VRTN: variants seen among roughly 807,000 people sequenced by gnomAD.
The protein encoded by VRTN is vertnin.
In VRTN, 5 loss-of-function variants were observed where a neutral mutation model predicts 18.2. The observed-to-expected ratio is 0.27, with a 90% CI of 0.14 to 0.58. The LOEUF is 0.58. VRTN is among the 20% of genes least tolerant of loss of function. The probability of loss-of-function intolerance (pLI) is 0.91; values close to 1 mark genes in which losing one functional copy is unlikely to be tolerated. For missense variants in VRTN, 741 were observed against 939.4 expected (o/e 0.79, Z 2.76); for synonymous variants, 381 against 393.7 (o/e 0.97, Z 0.38).
At chr14:74,334,484 T>C (rs1207704281) in intron 1 of VRTN, among the ~76,000 whole-genome samples, 2 of 152,090 alleles carry the variant, frequency 1.3e-5, no homozygotes, top group East Asian at 3.9e-4. Flanking sequence ...GAGCTGAGAT[T>C]GCACCACTGC....
chr14:74,357,208 C>G lies in VRTN; in HGVS notation c.425C>G (p.Ser142Cys). The change falls in exon 2 of 2, where the codon TCC (serine) becomes TGC (cysteine). Residue 142 changes from serine (S) to cysteine (C), a missense_variant. Ser to Cys is a moderately radical substitution (Grantham distance 112, BLOSUM62 -1). This residue lies in a region of VRTN where 186 missense variants were observed against 288.3 expected (regional missense o/e 0.65). Transcript: ENST00000256362. The surrounding 1 kb of genome is among the most constrained non-coding windows in gnomAD (Gnocchi z 7.8). ...AVRYSLCSEE[S>C]PEMTSLPPAT... ...CGCTACTCCCTATGCTCTGAGGAGT[C>G]CCCTGAGATGACCAGCTTGCCCCCC... The G allele has an allele frequency of 1.9e-6, 3 of 1,611,710 alleles. No homozygotes were observed. Among genetic ancestry groups the G allele is most frequent in the Non-Finnish European group, 2.5e-6 (3 of 1,179,688 alleles).
chr14:74,357,541 G>C lies in VRTN; in HGVS notation c.758G>C (p.Gly253Ala), dbSNP rs2085739040. 1.2e-6 allele frequency: 2 copies of C among 1,613,610 alleles called. No homozygotes were observed. Among genetic ancestry groups the C allele is most frequent in the Non-Finnish European group, 1.7e-6 (2 of 1,180,012 alleles). ...GAGGTGGAGGCTGAAGGTGCCCCTG[G>C]CGTGGCCCCAGCTCTTCCAGCCCTG... ...LEEVEAEGAP[G>A]VAPALPALAP... is the part of the protein sequence containing the mutation. The change falls in exon 2 of 2, where the codon GGC (glycine) becomes GCC (alanine). Residue 253 changes from glycine to alanine, a missense_variant. By Grantham distance (60) the Gly-to-Ala change is moderately conservative (BLOSUM62 0). Around this residue, in one of 3 missense-constraint regions of VRTN, gnomAD observed 494 missense variants for 546.5 expected, o/e 0.90. Transcript: ENST00000256362. The surrounding 1 kb of genome is among the most constrained non-coding windows in gnomAD (Gnocchi z 7.8).
intron 1 of VRTN, 49 bp from the exon 2 acceptor site, chr14:74,356,734 T>G: frequency 6.6e-7 from 1 of 1,526,036 alleles, no homozygotes; most frequent in Non-Finnish European, 8.8e-7. Flanking sequence ...CTAGTCATCA[T>G]CTGGGCACTT....
At chr14:74,352,890 C>T (rs1249111970) in intron 1 of VRTN, among the ~76,000 whole-genome samples, 1 of 152,148 alleles carries the variant, frequency 6.6e-6, no homozygotes, top group African/African-American at 2.4e-5. Context: ...GAAGGAATAC[C>T]ACTCTGCTTT....
At chr14:74,329,965 C>T (rs558468205) in intron 1 of VRTN, among the ~76,000 whole-genome samples, 10 of 151,116 alleles carry the variant, frequency 6.6e-5, no homozygotes, top group East Asian at 2.0e-4. Context: ...CTCTGCCTCC[C>T]GGTTCAAGCA....
chr14:74,317,298 A>C (rs1393939628), intron 1 of VRTN, among the ~76,000 whole-genome samples: 1 of 152,200 alleles, frequency 6.6e-6, no homozygotes, highest in Non-Finnish European at 1.5e-5. Flanking sequence ...AGAGCTGTAG[A>C]GAAGTGGCTC....
chr14:74,311,169 C>T (rs1235645673), intron 1 of VRTN, among the ~76,000 whole-genome samples: 1 of 152,026 alleles, frequency 6.6e-6, no homozygotes, highest in Non-Finnish European at 1.5e-5. Context: ...TTCATTTAAT[C>T]AACTAGTTTT....
intron 1 of VRTN, among the ~76,000 whole-genome samples, chr14:74,320,680 G>C (rs148127092): frequency 7.4e-6 from 1 of 135,750 alleles, no homozygotes; most frequent in Non-Finnish European, 1.5e-5. Context: ...TCTACCTCCC[G>C]GGTTCAAGCG....
At chr14:74,332,880 C>A (rs1028832703) in intron 1 of VRTN, among the ~76,000 whole-genome samples, 2 of 152,142 alleles carry the variant, frequency 1.3e-5, no homozygotes, top group African/African-American at 4.8e-5. Context: ...CTCTCCCATG[C>A]CACCTTCTTC....
chr14:74,352,149 G>A lies in VRTN; in HGVS notation c.-2+3497G>A, dbSNP rs574195141. Among the ~76,000 whole-genome samples, 30 of 146,124 alleles carry A rather than the reference G, an allele frequency of 2.1e-4. No individual in the cohort carries two copies. The South Asian group carries it at 2.7e-3, about 13-fold the overall frequency. ...ACAGGCCTGAGCCACCACCATGCCC[G>A]GCCTCAGTACTTTTAATTTTTTTTA... On this transcript the variant is annotated intron_variant, in intron 1 of 1. Coordinates refer to ENST00000256362, the MANE Select transcript of VRTN (RefSeq NM_018228.3).
intron 2 of VRTN, among the ~76,000 whole-genome samples, chr14:74,343,040 A>C (rs2085618762): frequency 6.6e-6 from 1 of 152,222 alleles, no homozygotes; most frequent in Admixed American, 6.5e-5. Flanking sequence ...TAGATTGACA[A>C]AGATTATAAA....
upstream of VRTN, among the ~76,000 whole-genome samples, chr14:74,346,087 G>C (rs1174683736): frequency 6.6e-6 from 1 of 151,904 alleles, no homozygotes; most frequent in Non-Finnish European, 1.5e-5. Flanking sequence ...GAGGATTTGA[G>C]CCCAGGAGTT....
chr14:74,340,540 G>A (rs2085597788), intron 2 of VRTN, among the ~76,000 whole-genome samples: 1 of 152,136 alleles, frequency 6.6e-6, no homozygotes, highest in African/African-American at 2.4e-5. Flanking sequence ...ACCATACCCG[G>A]CCAATGAGAA....
At position 74,356,819 on chromosome 14, in the gene VRTN, G is replaced by A. The variant is rs1292354368; in HGVS notation, c.36G>A (p.Leu12=). The change falls in exon 2 of 2, where the codon CTG becomes CTA. Residue 12 remains leucine (L), a synonymous_variant. Transcript: ENST00000256362. ...TSRNQLVQKV[L]QELQEAVECE... is the part of the protein sequence containing the mutation. Reference sequence around the variant, plus strand: ...GGAACCAGCTGGTGCAGAAGGTGCTGCAGGAGCTGCAGGAAGCAGTGGAGT... The same window carrying A: ...GGAACCAGCTGGTGCAGAAGGTGCTACAGGAGCTGCAGGAAGCAGTGGAGT... The A allele has an allele frequency of 3.1e-6, 5 of 1,608,706 alleles. No homozygotes were observed. Among genetic ancestry groups the A allele is most frequent in the East Asian group, 2.2e-5 (1 of 44,794 alleles).
At position 74,327,710 on chromosome 14, in the gene VRTN, TTTA is replaced by T. The variant is rs1555410821; in HGVS notation, c.-163-9992_-163-9990del. ...CAACATAAGCACTGGTTGATTTTAT[TTTA>T]TTATTATTATTATTATTATTTGAGA... is the stretch of plus-strand genomic sequence containing the variant. On this transcript the variant is annotated intron_variant, in intron 1 of 2. Coordinates refer to the VRTN transcript ENST00000557177. 9.3e-5 allele frequency among the ~76,000 whole-genome samples: 14 copies of T among 151,082 alleles called. No individual in the cohort carries two copies. In the East Asian group the frequency reaches 1.4e-3, roughly 15 times the overall value.
upstream of VRTN, among the ~76,000 whole-genome samples, chr14:74,346,839 C>T (rs1427998007): frequency 1.3e-5 from 2 of 152,074 alleles, no homozygotes; most frequent in South Asian, 2.1e-4. Flanking sequence ...TTAAAAAACA[C>T]TTTGAAAGAT....
chr14:74,359,133 C>A lies in VRTN; in HGVS notation c.*241C>A. On this transcript the variant is annotated 3_prime_UTR_variant, in exon 2 of 2. Transcript: ENST00000256362. ...ATATCCTCTTTCGTTGTTTGCTGGT[C>A]ATATTTTTACTGTTATGATTTAGTT... 1 of 711,338 alleles carries A rather than the reference C, an allele frequency of 1.4e-6. No homozygotes were observed. Among genetic ancestry groups the A allele is most frequent in the Non-Finnish European group, 2.0e-6 (1 of 494,136 alleles). The allele number at this position is 711,338 out of a possible 1,614,324, so 44.1% of individuals were successfully genotyped here.
At chr14:74,316,654 T>TTTTA (rs71115981) in intron 1 of VRTN, among the ~76,000 whole-genome samples, 1 of 140,188 alleles carries the variant, frequency 7.1e-6, no homozygotes, top group African/African-American at 2.7e-5. Flanking sequence ...TTTTTTTTTT[T>TTTTA]GAGATGGAGT....
At chr14:74,353,585 A>G (rs910087720) in intron 1 of VRTN, among the ~76,000 whole-genome samples, 2 of 152,210 alleles carry the variant, frequency 1.3e-5, no homozygotes, top group African/African-American at 4.8e-5. Flanking sequence ...GCAGACCCTG[A>G]AAACCTTTTG....
Sources: allele counts gnomAD v4.1 joint callset (sites outside exome capture counted in the v4.1 genomes callset), GRCh38; gene constraint gnomAD v4.1.1; regional missense constraint gnomAD v4.1.1; non-coding constraint Gnocchi (gnomAD v3.1); transcripts MANE v1.5; gene names NCBI Gene and HGNC (gene_info 2026-07-23, HGNC 2026-07-21).